KIF21B: variants seen among roughly 807,000 people sequenced by gnomAD.
KIF21B encodes the protein kinesin family member 21B.
In KIF21B, 85 loss-of-function variants were observed where a neutral mutation model predicts 192.9. That is an observed-to-expected ratio of 0.44 (90% CI 0.37 to 0.53). KIF21B has a LOEUF of 0.53. Ranked by LOEUF, KIF21B falls within the 20% of genes least tolerant of loss-of-function variation. The pLI, the probability that KIF21B is intolerant of heterozygous loss-of-function variation, is 0.00. For synonymous variants in KIF21B, 832 were observed against 884.6 expected (o/e 0.94, Z 1.05); for missense variants, 1,716 against 2,194.8 (o/e 0.78, Z 4.36).
intron 9 of KIF21B, 30 bp downstream of exon 9, chr1:201,002,131 T>G: frequency 6.2e-7 from 1 of 1,608,070 alleles, no homozygotes; most frequent in Non-Finnish European, 8.5e-7. Context: ...CCGTTGGTGC[T>G]CTGACCTGGC....
chr1:200,979,805 G>A, intron 29 of KIF21B, 90 bp from the exon 30 acceptor site: 1 of 1,134,530 alleles, frequency 8.8e-7, no homozygotes, highest in Non-Finnish European at 1.2e-6. Context: ...GCCCAGGATA[G>A]GGGAAAGGGA....
At chr1:201,012,556 G>A (rs1170681314) in intron 1 of KIF21B, among the ~76,000 whole-genome samples, 3 of 152,206 alleles carry the variant, frequency 2.0e-5, no homozygotes, top group Non-Finnish European at 4.4e-5. Flanking sequence ...TAAATACAGT[G>A]AAGTTGGGTA....
intron 6 of KIF21B, 60 bp from the exon 7 acceptor site, chr1:201,004,515 C>T (rs2102449260): frequency 7.1e-7 from 1 of 1,415,866 alleles, no homozygotes; most frequent in South Asian, 1.2e-5. Flanking sequence ...TAGGGAGGGA[C>T]AAGAAAATCC....
At chr1:201,001,109 G>GAA (rs57228721) in intron 9 of KIF21B, among the ~76,000 whole-genome samples, 33 of 117,028 alleles carry the variant, frequency 2.8e-4, no homozygotes, top group East Asian at 2.1e-3. Flanking sequence ...CTCCGTCTCA[G>GAA]AAAAAAAAAA....
chr1:200,987,433 A>G (rs1237752333), intron 24 of KIF21B, among the ~76,000 whole-genome samples: 1 of 151,540 alleles, frequency 6.6e-6, no homozygotes, highest in African/African-American at 2.4e-5. Flanking sequence ...CTGTAGAGAT[A>G]GGGTCTCGCC....
chr1:200,991,644 C>T lies in KIF21B; in HGVS notation c.2454+13G>A, dbSNP rs559199274. The T allele has an allele frequency of 8.1e-6, 13 of 1,613,556 alleles. No homozygotes were observed. The highest frequency in any genetic ancestry group is 6.7e-5 in the Admixed American group (4 of 60,028). On this transcript the variant is annotated intron_variant, in intron 17 of 34. Transcript: ENST00000461742. ...CAGGGCCAGGGCCTCGCCAGCCCCT[C>T]GAGTGAGCTCACCTCCTGGGTCTTC...
In KIF21B at chr1:200,988,803, G is replaced by T. The variant is rs776231896; in HGVS notation, c.3261C>A (p.His1087Gln). The T allele has an allele frequency of 6.2e-7, 1 of 1,613,932 alleles. No homozygotes were observed. The highest frequency in any genetic ancestry group is 8.5e-7 in the Non-Finnish European group (1 of 1,179,894). The change falls in exon 22 of 35, where the codon CAC becomes CAA. Residue 1087 changes from histidine to glutamine, a missense_variant. Coordinates refer to ENST00000461742, the MANE Select transcript of KIF21B (RefSeq NM_001252102.2). ...TGTAGATGAGGGCCTGCAGCTCGGG[G>T]TGAGCTTCAGCCTTCTCACGCAGGG... ...LDALREKAEA[H>Q]PELQALIYNV...
At chr1:201,006,133 C>T (rs1657807163) in intron 3 of KIF21B, among the ~76,000 whole-genome samples, 1 of 152,248 alleles carries the variant, frequency 6.6e-6, no homozygotes, top group African/African-American at 2.4e-5. Flanking sequence ...TGCCCTAGCC[C>T]TGACTGTCTC....
intron 30 of KIF21B, among the ~76,000 whole-genome samples, chr1:200,978,972 G>C (rs1316976977): frequency 1.3e-5 from 2 of 152,222 alleles, no homozygotes; most frequent in Admixed American, 6.5e-5. Flanking sequence ...TTATAGGCAT[G>C]AGCCACTGTG....
At position 200,990,046 on chromosome 1, in the gene KIF21B, A is replaced by C; in HGVS notation, c.3031-3T>G. The C allele has an allele frequency of 6.2e-7, 1 of 1,613,520 alleles. No homozygotes were observed. The highest frequency in any genetic ancestry group is 8.5e-7 in the Non-Finnish European group (1 of 1,179,712). ...GTGTCTGTGGAGTCCAGCTCCTCCT[A>C]GGACCGGGAGGCAGAGAGCCCCGTC... On this transcript the variant is annotated splice_region_variant and splice_polypyrimidine_tract_variant and intron_variant, in intron 20 of 34. Transcript: ENST00000461742. The surrounding 1 kb of genome is among the most constrained non-coding windows in gnomAD (Gnocchi z 5.4).
chr1:200,998,093 T>A lies in KIF21B; in HGVS notation c.2077+291A>T, dbSNP rs776496350. Among the ~76,000 whole-genome samples, 12 of 152,172 alleles carry A rather than the reference T, an allele frequency of 7.9e-5. No individual in the cohort carries two copies. Among genetic ancestry groups the A allele is most frequent in the Non-Finnish European group, 1.5e-4 (10 of 68,014 alleles). On this transcript the variant is annotated intron_variant, in intron 14 of 34. Transcript: ENST00000461742. This position sits in a 1 kb window ranked among gnomAD's most constrained non-coding sequence, Gnocchi z 4.3. Reference sequence around the variant, plus strand: ...GTCCAAAGGAAAAGACCCAAGGAACTGAGTGCAGGAGGAAAGGCTGGGAGT... The same window carrying A: ...GTCCAAAGGAAAAGACCCAAGGAACAGAGTGCAGGAGGAAAGGCTGGGAGT...
intron 1 of KIF21B, among the ~76,000 whole-genome samples, chr1:201,019,354 A>G (rs1256310366): frequency 2.6e-5 from 4 of 152,234 alleles, no homozygotes; most frequent in Non-Finnish European, 5.9e-5. Flanking sequence ...CTCTTCACAA[A>G]TGAACAAACC....
At chr1:201,018,514 C>A (rs1658642439) in intron 1 of KIF21B, among the ~76,000 whole-genome samples, 2 of 152,220 alleles carry the variant, frequency 1.3e-5, no homozygotes, top group Admixed American at 6.5e-5. Context: ...ATGTTCACGG[C>A]CACTGTGTGT....
At chr1:200,974,241 T>G (rs1162627740) in intron 34 of KIF21B, 4 of 1,501,558 alleles carry the variant, frequency 2.7e-6, no homozygotes, top group East Asian at 2.3e-5. Context: ...TGGGAGGAGA[T>G]GGGAAGGGGA....
chr1:200,997,981 A>C (rs1226372160), intron 14 of KIF21B, among the ~76,000 whole-genome samples: 1 of 152,238 alleles, frequency 6.6e-6, no homozygotes, highest in Non-Finnish European at 1.5e-5. Flanking sequence ...TTTGCTGAAT[A>C]AGTAAATCAA....
At chr1:200,979,886 C>T (rs1165966955) in intron 29 of KIF21B, among the ~76,000 whole-genome samples, 171 bp from the exon 30 acceptor site, 1 of 152,198 alleles carries the variant, frequency 6.6e-6, no homozygotes, top group Admixed American at 6.5e-5. Flanking sequence ...TGCTCACTGG[C>T]ATGTGTGTGC....
chr1:201,017,205 C>T lies in KIF21B; in HGVS notation c.41+6138G>A, dbSNP rs1161699322. ...CAGGATCTCAGCCGTGCAGAGGAAT[C>T]GGGCCAGCAAGGAGAGTGGGGTGAA... On this transcript the variant is annotated intron_variant, in intron 1 of 34. Transcript: ENST00000461742. This position sits in a 1 kb window ranked among gnomAD's most constrained non-coding sequence, Gnocchi z 4.1. 6.6e-6 allele frequency among the ~76,000 whole-genome samples: 1 copy of T among 152,128 alleles called. No homozygotes were observed. Among genetic ancestry groups the T allele is most frequent in the African/African-American group, 2.4e-5 (1 of 41,420 alleles).
rs1658357011 is a variant in KIF21B at position 201,013,795 on chromosome 1, G to A, written c.42-4307C>T. On this transcript the variant is annotated intron_variant, in intron 1 of 34. Coordinates refer to ENST00000461742, the MANE Select transcript of KIF21B (RefSeq NM_001252102.2). ...TAATCAAGATAAATTACAACTTAGT[G>A]CAATATTTTAAAAGTCAAATTAGCA... Among the ~76,000 whole-genome samples the A allele has an allele frequency of 3.9e-5, 6 of 152,332 alleles. No homozygotes were observed. In the South Asian group the frequency reaches 8.3e-4, roughly 21 times the overall value.
At position 201,003,796 on chromosome 1, in the gene KIF21B, A is replaced by C. The variant is rs753958375; in HGVS notation, c.1017-15T>G. 6.2e-7 allele frequency: 1 copy of C among 1,614,100 alleles called. No individual in the cohort carries two copies. Among genetic ancestry groups the C allele is most frequent in the Non-Finnish European group, 8.5e-7 (1 of 1,179,966 alleles). ...TGATGGTCTGGCTGGGGGTGCAGAA[A>C]GGCTGTTGTGAGGGTGAGGGACACA... On this transcript the variant is annotated splice_polypyrimidine_tract_variant and intron_variant, in intron 7 of 34. Coordinates refer to ENST00000461742, the MANE Select transcript of KIF21B (RefSeq NM_001252102.2).
Sources: allele counts gnomAD v4.1 joint callset (sites outside exome capture counted in the v4.1 genomes callset), GRCh38; gene constraint gnomAD v4.1.1; non-coding constraint Gnocchi (gnomAD v3.1); transcripts MANE v1.5; gene names NCBI Gene and HGNC (gene_info 2026-07-23, HGNC 2026-07-21).